Variants in JDP2 observed in about 807,000 individuals in gnomAD.
JDP2 encodes Jun dimerization protein 2, also known as progesterone receptor co-activator.
JDP2 carries 9 observed loss-of-function variants against 17.1 expected under a neutral mutation model. That is an observed-to-expected ratio of 0.53 (90% CI 0.32 to 0.92). JDP2 has a LOEUF of 0.92. Among genes scored for constraint, JDP2 ranks in the 40% least tolerant of loss-of-function variants. The pLI is 0.04. For synonymous variants in JDP2, 107 were observed against 95.6 expected (o/e 1.12, Z -0.69); for missense variants, 179 against 220.0 (o/e 0.81, Z 1.18).
chr14:75,468,441 G>A (rs1566750559), intron 3 of JDP2, among the ~76,000 whole-genome samples: 3 of 152,146 alleles, frequency 2.0e-5, no homozygotes, highest in Admixed American at 6.5e-5. Context: ...CATAATCCAA[G>A]AAAAATCATT....
Position 75,445,527 on chromosome 14 carries a change from T to A in JDP2, c.201+7406T>A, listed in dbSNP as rs549111320. The stretch of plus-strand genomic sequence containing the variant: ...AAAACCCTTGCCTTTTTGGAGGCAA[T>A]GTAGCAAAGCAGGACTGCTGCATTG... On this transcript the variant is annotated intron_variant, in intron 2 of 3. Transcript: ENST00000651602. 12 of 985,376 alleles carry A rather than the reference T, an allele frequency of 1.2e-5. No individual in the cohort carries two copies. The East Asian group carries it at 1.4e-3, about 112-fold the overall frequency. 61.0% of individuals were successfully genotyped at this position (985,376 alleles called of 1,614,324 possible). A position where few individuals can be genotyped will look rare whatever the true frequency, so the allele number is the denominator to read the frequency against.
At chr14:75,453,318 G>C (rs559113918) in intron 2 of JDP2, among the ~76,000 whole-genome samples, 3 of 152,072 alleles carry the variant, frequency 2.0e-5, no homozygotes, top group Non-Finnish European at 2.9e-5. Flanking sequence ...ATGCAGGGGG[G>C]GCCCTGGTGG....
At position 75,469,511 on chromosome 14, in the gene JDP2, G is replaced by A. The variant is rs761618121; in HGVS notation, c.*36G>A. 1 of 1,597,424 alleles carries A rather than the reference G, an allele frequency of 6.3e-7. No homozygotes were observed. The highest frequency in any genetic ancestry group is 8.5e-7 in the Non-Finnish European group (1 of 1,171,212). On this transcript the variant is annotated 3_prime_UTR_variant, in exon 4 of 4. Coordinates refer to ENST00000651602, the MANE Select transcript of JDP2 (RefSeq NM_001135048.2). ...GGAGGAGGTGGAGGAGGAGGAAGAGGAGAAGGAAAAGTGACGAAGAGAGAG... is the reference window on the plus strand; with the variant it reads ...GGAGGAGGTGGAGGAGGAGGAAGAGAAGAAGGAAAAGTGACGAAGAGAGAG...
intron 2 of JDP2, among the ~76,000 whole-genome samples, chr14:75,453,530 G>T (rs1028015231): frequency 6.6e-6 from 1 of 152,242 alleles, no homozygotes; most frequent in Non-Finnish European, 1.5e-5. Context: ...CCTTGCCTGC[G>T]AAGGAAGGCA....
At chr14:75,433,855 G>T (rs1029309630) in intron 1 of JDP2, among the ~76,000 whole-genome samples, 25 of 152,106 alleles carry the variant, frequency 1.6e-4, no homozygotes, top group African/African-American at 5.3e-4. Context: ...CAATGTTGGT[G>T]TTCTGCCAAT....
chr14:75,456,502 C>G (rs140301243), intron 2 of JDP2, among the ~76,000 whole-genome samples: 1 of 152,320 alleles, frequency 6.6e-6, no homozygotes, highest in Non-Finnish European at 1.5e-5. Context: ...CCTGCACTTG[C>G]TTAAATGTGT....
At chr14:75,457,292 A>G (rs1886155392) in intron 2 of JDP2, among the ~76,000 whole-genome samples, 2 of 152,380 alleles carry the variant, frequency 1.3e-5, no homozygotes, top group African/African-American at 4.8e-5. Flanking sequence ...AAGAAGCACC[A>G]GGAAGGAGGA....
chr14:75,466,305 G>A (rs1184330364), intron 3 of JDP2, among the ~76,000 whole-genome samples: 2 of 152,174 alleles, frequency 1.3e-5, no homozygotes, highest in African/African-American at 2.4e-5. Context: ...GCCAGGCGTG[G>A]TGGCACATGC....
chr14:75,454,385 G>A (rs10148271), intron 2 of JDP2, among the ~76,000 whole-genome samples: 33,969 of 152,188 alleles, frequency 0.22, 8,108 homozygotes, highest in African/African-American at 0.61. Context: ...CAGCCTTGAT[G>A]TTCTTAGTTT....
At chr14:75,440,308 C>T (rs537269406) in intron 2 of JDP2, among the ~76,000 whole-genome samples, 35 of 152,288 alleles carry the variant, frequency 2.3e-4, no homozygotes, top group African/African-American at 6.7e-4. Flanking sequence ...CCCTGCACTG[C>T]GAACCGACCT....
In JDP2 at chr14:75,472,660, A is replaced by G. The variant is rs1237538841; in HGVS notation, c.*3185A>G. The G allele has an allele frequency of 6.6e-6, 1 of 152,280 alleles. No individual in the cohort carries two copies. Among genetic ancestry groups the G allele is most frequent in the Non-Finnish European group, 1.5e-5 (1 of 68,052 alleles). The allele number at this position is 152,280 out of a possible 1,614,324, so 9.4% of individuals were successfully genotyped here. A position where few individuals can be genotyped will look rare whatever the true frequency, so the allele number is the denominator to read the frequency against. On this transcript the variant is annotated 3_prime_UTR_variant, in exon 4 of 4. Coordinates refer to ENST00000651602, the MANE Select transcript of JDP2 (RefSeq NM_001135048.2). ...TATCAAGATCAAAAAAGGAATGGAT[A>G]TACAAAGTGTTTTGTGAAATAAAAG...
intron 3 of JDP2, among the ~76,000 whole-genome samples, chr14:75,462,314 T>A (rs7359152): frequency 0.51 from 77,368 of 152,102 alleles, 20,803 homozygotes; most frequent in African/African-American, 0.7. Context: ...TCATTGGTTC[T>A]TTGCTGAATA....
At chr14:75,433,698 T>C (rs973888937) in intron 1 of JDP2, among the ~76,000 whole-genome samples, 2 of 152,062 alleles carry the variant, frequency 1.3e-5, no homozygotes, top group African/African-American at 4.8e-5. Flanking sequence ...GTCTGATTCA[T>C]GCCTTGCTAG....
intron 1 of JDP2, among the ~76,000 whole-genome samples, chr14:75,429,091 C>T (rs1369014452): frequency 1.3e-5 from 2 of 152,118 alleles, no homozygotes; most frequent in Non-Finnish European, 2.9e-5. Context: ...CCTGGGATGG[C>T]AGAGCCAGGC....
Position 75,428,040 on chromosome 14 carries a change from C to A in JDP2, c.-236C>A. On this transcript the variant is annotated 5_prime_UTR_variant, in exon 1 of 4. Coordinates refer to ENST00000651602, the MANE Select transcript of JDP2 (RefSeq NM_001135048.2). The surrounding 1 kb of genome is among the most constrained non-coding windows in gnomAD (Gnocchi z 5.6). ...CCGTCCCGCCGCCCGCCACAGCCTG[C>A]GGGAGGGACGCTCGGCGGCCGCGAC... The A allele has an allele frequency of 6.7e-6, 1 of 149,426 alleles. No homozygotes were observed. Among genetic ancestry groups the A allele is most frequent in the South Asian group, 2.1e-4 (1 of 4,874 alleles). 9.3% of individuals were successfully genotyped at this position (149,426 alleles called of 1,614,324 possible).
intron 3 of JDP2, among the ~76,000 whole-genome samples, chr14:75,461,821 A>G (rs1281651828): frequency 6.6e-6 from 1 of 152,106 alleles, no homozygotes; most frequent in Non-Finnish European, 1.5e-5. Flanking sequence ...GTGCTGATTG[A>G]CCCAGATGGC....
chr14:75,461,336 G>C, intron 2 of JDP2, 90 bp from the exon 3 acceptor site: 1 of 938,154 alleles, frequency 1.1e-6, no homozygotes. Flanking sequence ...GGGTTAGAAA[G>C]GCGAAGTTGT....
At chr14:75,443,480 C>G (rs763411855) in intron 2 of JDP2, among the ~76,000 whole-genome samples, 1 of 152,088 alleles carries the variant, frequency 6.6e-6, no homozygotes, top group Non-Finnish European at 1.5e-5. Flanking sequence ...TCTCTTGGAA[C>G]AGAATCTCCC....
intron 3 of JDP2, among the ~76,000 whole-genome samples, chr14:75,464,341 G>A (rs921604598): frequency 1.6e-4 from 25 of 152,110 alleles, no homozygotes; most frequent in Admixed American, 7.9e-4. Flanking sequence ...ATCTACAGGC[G>A]GCCTTTCATA....
Sources: allele counts gnomAD v4.1 joint callset (sites outside exome capture counted in the v4.1 genomes callset), GRCh38; gene constraint gnomAD v4.1.1; non-coding constraint Gnocchi (gnomAD v3.1); transcripts MANE v1.5; gene names NCBI Gene and HGNC (gene_info 2026-07-23, HGNC 2026-07-21).